The following SEMA4B variants were observed in gnomAD, a reference collection of about 807,000 sequenced individuals.
The protein encoded by SEMA4B is semaphorin-4B.
In SEMA4B, 55 loss-of-function variants were observed where a neutral mutation model predicts 88.1. The observed-to-expected ratio is 0.62, with a 90% CI of 0.50 to 0.78. SEMA4B has a LOEUF of 0.78. SEMA4B is among the 30% of genes least tolerant of loss of function. SEMA4B has a pLI of 0.00. For synonymous variants in SEMA4B, 525 were observed against 473.6 expected, an observed-to-expected ratio of 1.11 and a Z score of -1.41; for missense variants, 1,062 against 1,111.9, an observed-to-expected ratio of 0.96 and a Z score of 0.64.
chr15:90,185,076 C>G, exon 1 of SEMA4B: 1 of 984,736 alleles, frequency 1.0e-6, no homozygotes, highest in Non-Finnish European at 1.2e-6. Flanking sequence ...CCCTGACTCA[C>G]TCCAGGTAGG....
At chr15:90,224,568 C>A (rs920970278) in intron 9 of SEMA4B, among the ~76,000 whole-genome samples, 1 of 152,192 alleles carries the variant, frequency 6.6e-6, no homozygotes, top group Non-Finnish European at 1.5e-5. Context: ...GTGTGGAGCA[C>A]CTCTCAGAAT....
intron 1 of SEMA4B, among the ~76,000 whole-genome samples, chr15:90,195,352 G>A (rs1413643699): frequency 2.6e-5 from 4 of 151,810 alleles, no homozygotes; most frequent in Non-Finnish European, 5.9e-5. Context: ...TTGGCCTCCC[G>A]AAGTGCTGGG....
intron 1 of SEMA4B, among the ~76,000 whole-genome samples, chr15:90,204,307 C>G (rs1302334468): frequency 2.6e-5 from 4 of 152,202 alleles, no homozygotes; most frequent in Non-Finnish European, 5.9e-5. Context: ...CCGTAAGGAC[C>G]CAGATGCCTA....
At chr15:90,218,875 G>A (rs941528879) in intron 3 of SEMA4B, among the ~76,000 whole-genome samples, 3 of 152,170 alleles carry the variant, frequency 2.0e-5, no homozygotes, top group Non-Finnish European at 4.4e-5. Flanking sequence ...GAATGAGGTG[G>A]TCAGGTAACA....
At chr15:90,220,550 G>A (rs559001195) in intron 4 of SEMA4B, among the ~76,000 whole-genome samples, 9 of 151,052 alleles carry the variant, frequency 6.0e-5, no homozygotes, top group East Asian at 2.0e-4. Context: ...TCTATTTTTC[G>A]GTAGAGAGGG....
intron 13 of SEMA4B, 52 bp downstream of exon 13, chr15:90,227,694 G>A (rs1206356365): frequency 6.3e-7 from 1 of 1,584,790 alleles, no homozygotes; most frequent in Non-Finnish European, 8.7e-7. Context: ...AAGTGTGCTT[G>A]GAAGGCTCCC....
intron 7 of SEMA4B, among the ~76,000 whole-genome samples, 199 bp downstream of exon 7, chr15:90,221,964 G>T (rs1394913278): frequency 6.6e-6 from 1 of 150,440 alleles, no homozygotes; most frequent in African/African-American, 2.4e-5. Flanking sequence ...TTTTAGACAG[G>T]ATCTTTGCTC....
chr15:90,224,041 C>G lies in SEMA4B; in HGVS notation c.1194+53C>G, dbSNP rs1962015413. On this transcript the variant is annotated intron_variant, in intron 9 of 13. Coordinates refer to ENST00000411539, the MANE Select transcript of SEMA4B (RefSeq NM_198925.4). ...GGGGTGCCGGGAAGATGTGGGTCCCCACACCATGCTGGGAGCAAGGCTGCC... is the reference window on the plus strand; with the variant it reads ...GGGGTGCCGGGAAGATGTGGGTCCCGACACCATGCTGGGAGCAAGGCTGCC... 5 of 1,557,604 alleles carry G rather than the reference C, an allele frequency of 3.2e-6. No homozygotes were observed. The African/African-American group carries it at 4.1e-5, about 13-fold the overall frequency.
chr15:90,186,936 A>T (rs1960183644), intron 1 of SEMA4B, among the ~76,000 whole-genome samples: 1 of 152,120 alleles, frequency 6.6e-6, no homozygotes, highest in South Asian at 2.1e-4. Context: ...CCGTCTCAAA[A>T]AATAATAATA....
chr15:90,228,228 C>A lies in SEMA4B; in HGVS notation c.2099C>A (p.Ala700Glu). ...ATTATCAGCACATCGCGTGTGAGTG[C>A]ACCAGCTGGTGGCAAGGCCAGCTGG... Reference protein sequence around the residue: ...PVIISTSRVSAPAGGKASWGA... With the variant: ...PVIISTSRVSEPAGGKASWGA... Residue 700 changes from alanine (A) to glutamate (E), a missense_variant, in exon 14 of 14, where the codon GCA (alanine) becomes GAA (glutamate). Physicochemically the swap from Ala to Glu is moderately radical, Grantham distance 107. Transcript: ENST00000411539. 1 of 1,604,808 alleles carries A rather than the reference C, an allele frequency of 6.2e-7. No homozygotes were observed. Among genetic ancestry groups the A allele is most frequent in the South Asian group, 1.1e-5 (1 of 89,272 alleles).
At chr15:90,226,973 AAAG>A (rs1319856806) in intron 12 of SEMA4B, among the ~76,000 whole-genome samples, 1 of 152,194 alleles carries the variant, frequency 6.6e-6, no homozygotes, top group Non-Finnish European at 1.5e-5. Context: ...TAATTAAAAA[AAAG>A]AAAAAGAGAG....
rs539629006 is a variant in SEMA4B at position 90,195,063 on chromosome 15, C to T, written c.-121-6395C>T. ...TCCATGGCTTTTTTTTTTTTTCCAACATTCAATCTTCAATCAAGGTTCACA... is the reference window on the plus strand; with the variant it reads ...TCCATGGCTTTTTTTTTTTTTCCAATATTCAATCTTCAATCAAGGTTCACA... On this transcript the variant is annotated intron_variant, in intron 1 of 14. Transcript: ENST00000332496. Among the ~76,000 whole-genome samples, 11 of 149,650 alleles carry T rather than the reference C, an allele frequency of 7.4e-5. No individual in the cohort carries two copies. In the South Asian group the frequency reaches 2.3e-3, roughly 32 times the overall value.
At chr15:90,217,932 T>C in intron 3 of SEMA4B, 103 bp downstream of exon 3, 1 of 964,966 alleles carries the variant, frequency 1.0e-6, no homozygotes, top group South Asian at 1.4e-5. Context: ...CAGCCAGGTA[T>C]GGTGGGAAGG....
At chr15:90,187,727 C>T (rs1960206368) in intron 1 of SEMA4B, among the ~76,000 whole-genome samples, 1 of 152,160 alleles carries the variant, frequency 6.6e-6, no homozygotes, top group Non-Finnish European at 1.5e-5. Flanking sequence ...AAGGTGGGGG[C>T]TGGGTGCAGT....
At chr15:90,214,145 A>T (rs1242862144) in intron 1 of SEMA4B, among the ~76,000 whole-genome samples, 1 of 151,100 alleles carries the variant, frequency 6.6e-6, no homozygotes, top group Non-Finnish European at 1.5e-5. Flanking sequence ...AGTACGAGAG[A>T]CCAGCCTGGC....
chr15:90,188,690 T>A (rs1308597209), intron 1 of SEMA4B, among the ~76,000 whole-genome samples: 1 of 151,940 alleles, frequency 6.6e-6, no homozygotes, highest in Admixed American at 6.6e-5. Flanking sequence ...TTTTGTTTGT[T>A]TTTTGAGACA....
intron 1 of SEMA4B, chr15:90,206,926 G>A: frequency 1.5e-6 from 1 of 656,600 alleles, no homozygotes; most frequent in Non-Finnish European, 2.8e-6. Context: ...GGAGTCTCAG[G>A]CCAAGCATGT....
At chr15:90,214,921 C>T (rs1291719729) in intron 1 of SEMA4B, 10 of 1,191,158 alleles carry the variant, frequency 8.4e-6, no homozygotes, top group Admixed American at 2.4e-5. Flanking sequence ...TGTCTCCCCA[C>T]CCTTTATGGA....
At chr15:90,191,300 C>G (rs989352844) in intron 1 of SEMA4B, among the ~76,000 whole-genome samples, 1 of 152,224 alleles carries the variant, frequency 6.6e-6, no homozygotes, top group Non-Finnish European at 1.5e-5. Flanking sequence ...GAGTTGCAGC[C>G]TCAGCACCAG....
Sources: gnomAD v4.1 joint callset for allele counts (sites outside exome capture counted in the v4.1 genomes callset) on GRCh38, gnomAD v4.1.1 for gene constraint, MANE v1.5 for transcripts, NCBI Gene and HGNC (gene_info 2026-07-23, HGNC 2026-07-21) for gene names.